The following RABL6 variants were observed in gnomAD, a reference collection of about 807,000 sequenced individuals.
RABL6 encodes rab-like protein 6.
A neutral mutation model predicts 72.9 loss-of-function variants in RABL6; 28 were observed. The observed-to-expected ratio is 0.38, with a 90% confidence interval of 0.28 to 0.53. RABL6 has a LOEUF of 0.53. RABL6 is among the 20% of genes least tolerant of loss of function. The pLI is 0.80. For missense variants in RABL6, 1,029 were observed against 1,008.4 expected, an observed-to-expected ratio of 1.02 and a Z score of -0.28; for synonymous variants, 477 against 421.2, an observed-to-expected ratio of 1.13 and a Z score of -1.62.
chr9:136,839,663 A>G (rs1245766987), intron 12 of RABL6, 31 bp from the exon 13 acceptor site: 12 of 1,559,250 alleles, frequency 7.7e-6, no homozygotes, highest in South Asian at 2.4e-5. Flanking sequence ...GGGAGGGATG[A>G]TGGCCTGACC....
At chr9:136,822,275 A>C (rs1300571921) in intron 1 of RABL6, among the ~76,000 whole-genome samples, 1 of 151,918 alleles carries the variant, frequency 6.6e-6, no homozygotes. Flanking sequence ...AGACCTGGGG[A>C]AGTGGGAGGA....
chr9:136,813,560 A>G, intron 1 of RABL6: 1 of 392,376 alleles, frequency 2.5e-6, no homozygotes, highest in South Asian at 2.8e-5. Flanking sequence ...CAATATAAGC[A>G]GTCCCTTTAC....
chr9:136,821,027 G>A (rs925832129), intron 1 of RABL6, among the ~76,000 whole-genome samples: 4 of 152,166 alleles, frequency 2.6e-5, no homozygotes, highest in Non-Finnish European at 4.4e-5. Context: ...CCAACTCTCC[G>A]ACGTTCTGCA....
chr9:136,818,630 A>G (rs559896346), intron 1 of RABL6, among the ~76,000 whole-genome samples: 29 of 152,182 alleles, frequency 1.9e-4, no homozygotes, highest in East Asian at 1.4e-3. Context: ...CTGTAGTCTC[A>G]GCTACTCGAG....
intron 1 of RABL6, chr9:136,813,218 GTTTCCCTTTT>G (rs1848050292): frequency 1.9e-6 from 1 of 524,540 alleles, no homozygotes; most frequent in Non-Finnish European, 3.6e-6. Context: ...CCTGCCCCCA[GTTTCCCTTTT>G]ATTACAGGAA....
rs1848688704 is a variant in RABL6, at chr9:136,841,065, G to A, written c.*543G>A. On this transcript the variant is annotated 3_prime_UTR_variant, in exon 15 of 15. Coordinates refer to ENST00000311502, the MANE Select transcript of RABL6 (RefSeq NM_024718.5). The stretch of plus-strand genomic sequence containing the variant: ...GCATGTGAGGCCTCTCCTGGGAGTG[G>A]GGGTTGTGTTTCCCACAGTGGCCTC... The A allele has an allele frequency of 7.1e-7, 1 of 1,416,014 alleles. No homozygotes were observed. The highest frequency in any genetic ancestry group is 9.2e-7 in the Non-Finnish European group (1 of 1,086,624). 87.7% of individuals were successfully genotyped at this position (1,416,014 alleles called of 1,614,324 possible). A position where few individuals can be genotyped will look rare whatever the true frequency, so the allele number is the denominator to read the frequency against.
At chr9:136,837,825 G>C in intron 9 of RABL6, 37 bp from the exon 10 acceptor site, 7 of 1,544,650 alleles carry the variant, frequency 4.5e-6, no homozygotes, top group Non-Finnish European at 6.1e-6. Context: ...GAGGGTTCTG[G>C]TGCCGAGTGA....
chr9:136,813,907 G>A (rs897098321), intron 1 of RABL6: 12 of 305,198 alleles, frequency 3.9e-5, no homozygotes, highest in South Asian at 5.8e-5. Context: ...GAGCCACTGC[G>A]CCACTGCGCC....
chr9:136,838,735 C>T (rs997907764), intron 10 of RABL6, among the ~76,000 whole-genome samples, 174 bp from the exon 11 acceptor site: 2 of 128,552 alleles, frequency 1.6e-5, no homozygotes, highest in African/African-American at 6.3e-5. Flanking sequence ...CCGACCCCTT[C>T]CTGCTCAGAA....
chr9:136,840,399 A>G lies in RABL6; in HGVS notation c.2067A>G (p.Arg689=). The G allele has an allele frequency of 6.4e-7, 1 of 1,551,372 alleles. No individual in the cohort carries two copies. Among genetic ancestry groups the G allele is most frequent in the Non-Finnish European group, 8.7e-7 (1 of 1,147,556 alleles). ...AGGAGGAGGGCAAGGAGGAGCGGCG[A>G]CGGCGGCAGCAGCGGCCCCCGCGCA... ...KDKEEGKEER[R]RRQQRPPRSR... The change falls in exon 15 of 15, where the codon CGA becomes CGG. Residue 689 remains arginine (R), a synonymous_variant. Transcript: ENST00000311502.
chr9:136,810,941 G>A (rs1348183440), intron 1 of RABL6, among the ~76,000 whole-genome samples: 1 of 152,216 alleles, frequency 6.6e-6, no homozygotes, highest in Non-Finnish European at 1.5e-5. Context: ...TCTGGGAACT[G>A]CTGCGGGTTT....
intron 12 of RABL6, 90 bp downstream of exon 12, chr9:136,839,576 T>C (rs867804260): frequency 9.0e-6 from 14 of 1,551,972 alleles, no homozygotes; most frequent in Middle Eastern, 1.7e-4. Context: ...GGGAGGAGGC[T>C]TCTGGAAGAG....
chr9:136,825,793 G>A lies in RABL6; in HGVS notation c.280G>A (p.Val94Met). 7 of 1,613,670 alleles carry A rather than the reference G, an allele frequency of 4.3e-6. No individual in the cohort carries two copies. Among genetic ancestry groups the A allele is most frequent in the Middle Eastern group, 1.6e-4 (1 of 6,062 alleles). Residue 94 changes from valine (V) to methionine (M), a missense_variant, in exon 3 of 15, where the codon GTG becomes ATG. Val to Met is a conservative substitution (Grantham distance 21). Transcript: ENST00000311502. ...CCCTGTTTCAGCCACGGATGACATCGTGAAGGTTGAAGTCTGGGATGTAGT... is the reference window on the plus strand; with the variant it reads ...CCCTGTTTCAGCCACGGATGACATCATGAAGGTTGAAGTCTGGGATGTAGT... ...HWSYKTTDDI[V>M]KVEVWDVVDK...
intron 5 of RABL6, 98 bp from the exon 6 acceptor site, chr9:136,831,623 C>G (rs1045032052): frequency 3.3e-6 from 5 of 1,522,986 alleles, no homozygotes; most frequent in Non-Finnish European, 4.5e-6. Flanking sequence ...AAATGAGAAG[C>G]AGCCACCATC....
In RABL6 at chr9:136,818,367, A is replaced by C. The variant is rs1392852992; in HGVS notation, c.131-5158A>C. Among the ~76,000 whole-genome samples, 121 of 26,764 alleles carry C rather than the reference A, an allele frequency of 4.5e-3. 5 individuals are homozygous for C. The South Asian group carries it at 0.046, about 10-fold the overall frequency. 17.6% of individuals were successfully genotyped at this position (26,764 alleles called of 152,430 possible). On this transcript the variant is annotated intron_variant, in intron 1 of 14. Coordinates refer to ENST00000311502, the MANE Select transcript of RABL6 (RefSeq NM_024718.5). ...AACAAAACCAGACTCTGTCTCAAAA[A>C]AAAAAAAAAAAAAAAAAAAAAAAAA... is the stretch of plus-strand genomic sequence containing the variant.
Position 136,808,264 on chromosome 9 carries a change from C to A in RABL6, c.68C>A (p.Ala23Asp), listed in dbSNP as rs1242814759. ...CCGGGCCGGGACAAGAACATCCCCG[C>A]CGGGCTGCAGTCCATGAACCAGGCG... is the stretch of plus-strand genomic sequence containing the variant. The part of the protein sequence containing the change: ...QAPGRDKNIP[A>D]GLQSMNQALQ... The change falls in exon 1 of 15, where the codon GCC becomes GAC. Residue 23 changes from alanine to aspartate, a missense_variant. Coordinates refer to ENST00000311502, the MANE Select transcript of RABL6 (RefSeq NM_024718.5). 1.3e-6 allele frequency: 2 copies of A among 1,566,972 alleles called. No homozygotes were observed. The highest frequency in any genetic ancestry group is 1.7e-6 in the Non-Finnish European group (2 of 1,157,988).
At chr9:136,825,508 G>C (rs1211017617) in intron 2 of RABL6, among the ~76,000 whole-genome samples, 2 of 148,884 alleles carry the variant, frequency 1.3e-5, no homozygotes, top group Admixed American at 6.6e-5. Flanking sequence ...GCCCAGGATC[G>C]GGGCCCGGGA....
At chr9:136,836,125 C>T (rs547160488) in intron 8 of RABL6, 1 of 357,562 alleles carries the variant, frequency 2.8e-6, no homozygotes, top group Non-Finnish European at 5.1e-6. Context: ...TGGAGTGCTG[C>T]TGGGGCTGCC....
intron 10 of RABL6, among the ~76,000 whole-genome samples, chr9:136,838,228 C>T (rs1380108446): frequency 6.6e-6 from 1 of 152,220 alleles, no homozygotes; most frequent in African/African-American, 2.4e-5. Flanking sequence ...ACCTGCTCTG[C>T]CCACACCCTG....
Sources: gnomAD v4.1 joint callset for allele counts (sites outside exome capture counted in the v4.1 genomes callset) on GRCh38, gnomAD v4.1.1 for gene constraint, MANE v1.5 for transcripts, NCBI Gene and HGNC (gene_info 2026-07-23, HGNC 2026-07-21) for gene names.